Variants in CUX2 observed in about 807,000 individuals in gnomAD.
CUX2 encodes the protein cut like homeobox 2.
A neutral mutation model predicts 144.8 loss-of-function variants in CUX2; 40 were observed. The ratio of observed to expected loss-of-function variants is 0.28; its 90% CI spans 0.21 to 0.36. The LOEUF (loss-of-function observed/expected upper bound fraction) is 0.36, where lower values mean the gene tolerates loss of function less well. CUX2 is among the 10% of genes least tolerant of loss of function. CUX2 has a pLI of 1.00. For missense variants in CUX2, 1,615 were observed against 1,994.0 expected, an observed-to-expected ratio of 0.81 and a Z score of 3.62; for synonymous variants, 827 against 875.6, an observed-to-expected ratio of 0.94 and a Z score of 0.98.
At chr12:111,298,435 C>T in intron 8 of CUX2, 106 bp from the exon 9 acceptor site, 7 of 1,163,312 alleles carry the variant, frequency 6.0e-6, no homozygotes, top group Non-Finnish European at 7.3e-6. Flanking sequence ...TGTAGCAAGG[C>T]CTTCAGCCCT....
At position 111,320,193 on chromosome 12, in the gene CUX2, G is replaced by A. The variant is rs1418665919; in HGVS notation, c.2184G>A (p.Pro728=). The part of the protein sequence containing the change: ...PRGRSVPPSP[P]ERPSLATASQ... ...GCCGCTCGGTGCCCCCCTCGCCCCC[G>A]GAGCGGCCATCACTGGCCACCGCGA... Residue 728 remains proline, a synonymous_variant, in exon 17 of 22, where the codon CCG becomes CCA. Transcript: ENST00000261726. The surrounding 1 kb of genome is among the most constrained non-coding windows in gnomAD (Gnocchi z 8.1). The A allele has an allele frequency of 2.6e-6, 4 of 1,533,736 alleles. No homozygotes were observed. The highest frequency in any genetic ancestry group is 2.4e-5 in the East Asian group (1 of 41,358).
Position 111,295,640 on chromosome 12 carries a change from A to G in CUX2, c.637+231A>G, listed in dbSNP as rs1885935018. ...GACAGAATTAATTCAGGTGATGGCC[A>G]GGCGTGGTGGCTCACATGTGTAATC... On this transcript the variant is annotated intron_variant, in intron 7 of 21. Transcript: ENST00000261726. The surrounding 1 kb of genome is among the most constrained non-coding windows in gnomAD (Gnocchi z 5.0). Among the ~76,000 whole-genome samples, 2 of 152,150 alleles carry G rather than the reference A, an allele frequency of 1.3e-5. No individual in the cohort carries two copies. The highest frequency in any genetic ancestry group is 4.8e-5 in the African/African-American group (2 of 41,418).
intron 3 of CUX2, among the ~76,000 whole-genome samples, chr12:111,256,980 C>T (rs1375692137): frequency 6.6e-6 from 1 of 152,132 alleles, no homozygotes; most frequent in African/African-American, 2.4e-5. Flanking sequence ...TGTTTTTAAC[C>T]ACCTGGCTGA....
chr12:111,237,098 G>A (rs1181477146), intron 3 of CUX2, among the ~76,000 whole-genome samples: 2 of 152,124 alleles, frequency 1.3e-5, no homozygotes, highest in African/African-American at 2.4e-5. Flanking sequence ...GCGGTGAGCC[G>A]AAATTACACC....
chr12:111,221,788 G>C (rs1475286241), intron 3 of CUX2, among the ~76,000 whole-genome samples: 2 of 151,242 alleles, frequency 1.3e-5, no homozygotes, highest in South Asian at 4.2e-4. Context: ...CTTTCTTTCT[G>C]TGTGTGTGTG....
chr12:111,084,175 G>T (rs1030151365), intron 1 of CUX2, among the ~76,000 whole-genome samples: 1 of 152,188 alleles, frequency 6.6e-6, no homozygotes, highest in Non-Finnish European at 1.5e-5. Context: ...TTTCCTCCTG[G>T]TCTACAGCGG....
chr12:111,159,796 G>T (rs184234147), intron 1 of CUX2, among the ~76,000 whole-genome samples: 1 of 152,156 alleles, frequency 6.6e-6, no homozygotes, highest in Admixed American at 6.5e-5. Context: ...AGGCCAAGGC[G>T]GGTGGATCAC....
Position 111,298,600 on chromosome 12 carries a change from G to T in CUX2, c.753+11G>T, listed in dbSNP as rs138009341. ...GAGAAAGCTAATCAGGTGAGGAGGCGCAGTTCCCACCCGTGGGTGCCAGAG... is the reference window on the plus strand; with the variant it reads ...GAGAAAGCTAATCAGGTGAGGAGGCTCAGTTCCCACCCGTGGGTGCCAGAG... On this transcript the variant is annotated intron_variant, in intron 9 of 21. Transcript: ENST00000261726. 1.3e-6 allele frequency: 2 copies of T among 1,562,046 alleles called. No homozygotes were observed. The highest frequency in any genetic ancestry group is 1.2e-5 in the South Asian group (1 of 84,900).
At position 111,291,473 on chromosome 12, in the gene CUX2, C is replaced by T; in HGVS notation, c.357C>T (p.Pro119=). Residue 119 remains proline (P), a synonymous_variant, in exon 5 of 22, where the codon CCC becomes CCT. Coordinates refer to ENST00000261726, the MANE Select transcript of CUX2 (RefSeq NM_015267.4). ...GCCTAGACGACAGACTGCAGCCCCC[C>T]AGCTTTGACCCCAGTGGGCAGCCCC... The part of the protein sequence containing the change: ...ARSLDDRLQP[P]SFDPSGQPRR... The T allele has an allele frequency of 1.2e-6, 2 of 1,612,890 alleles. No homozygotes were observed. The highest frequency in any genetic ancestry group is 1.7e-5 in the Admixed American group (1 of 59,882).
intron 1 of CUX2, among the ~76,000 whole-genome samples, chr12:111,182,870 A>G (rs1879276476): frequency 6.6e-6 from 1 of 152,186 alleles, no homozygotes; most frequent in Non-Finnish European, 1.5e-5. Context: ...GAAGGGACTC[A>G]TAGCTCCCTG....
chr12:111,266,239 G>A (rs563949276), intron 4 of CUX2, among the ~76,000 whole-genome samples: 63 of 152,296 alleles, frequency 4.1e-4, no homozygotes, highest in Admixed American at 4.1e-3. Flanking sequence ...CACTTTGGGA[G>A]ACAGAGGCAG....
intron 7 of CUX2, 89 bp from the exon 8 acceptor site, chr12:111,296,384 T>A: frequency 8.5e-7 from 1 of 1,174,450 alleles, no homozygotes; most frequent in Non-Finnish European, 1.2e-6. Flanking sequence ...CTGCTGGGCT[T>A]CGCAGAAGGA....
At chr12:111,292,698 A>G (rs1189942667) in intron 5 of CUX2, among the ~76,000 whole-genome samples, 1 of 152,238 alleles carries the variant, frequency 6.6e-6, no homozygotes, top group Non-Finnish European at 1.5e-5. Flanking sequence ...GCAAATTGGT[A>G]GAGACAGAAA....
intron 21 of CUX2, among the ~76,000 whole-genome samples, chr12:111,346,141 A>C (rs1299001584): frequency 1.4e-5 from 2 of 144,622 alleles, no homozygotes; most frequent in Non-Finnish European, 3.0e-5. Context: ...AAGAAAAAAA[A>C]GGCAGAAAAT....
chr12:111,201,357 A>G (rs761330718), intron 1 of CUX2, among the ~76,000 whole-genome samples: 18 of 151,930 alleles, frequency 1.2e-4, no homozygotes, highest in Non-Finnish European at 8.8e-5. Context: ...CTGGCTCCCA[A>G]TCGCTTCTTG....
At position 111,035,518 on chromosome 12, in the gene CUX2, A is replaced by G. The variant is rs879266026; in HGVS notation, c.63+1278A>G. ...TGCGGCGGGGATCAGGGGCGGGAAA[A>G]TGGTGCGGATAACAGGGCGGTTAGA... On this transcript the variant is annotated intron_variant, in intron 1 of 21. Transcript: ENST00000261726. This position sits in a 1 kb window ranked among gnomAD's most constrained non-coding sequence, Gnocchi z 6.0. Among the ~76,000 whole-genome samples, 7 of 151,806 alleles carry G rather than the reference A, an allele frequency of 4.6e-5. No homozygotes were observed. The highest frequency in any genetic ancestry group is 1.0e-4 in the Non-Finnish European group (7 of 67,998).
intron 1 of CUX2, among the ~76,000 whole-genome samples, chr12:111,086,617 C>G (rs966311311): frequency 3.9e-5 from 6 of 152,188 alleles, no homozygotes; most frequent in Admixed American, 2.6e-4. Flanking sequence ...CAAATTGACT[C>G]TGTCTCCGAG....
chr12:111,092,228 T>TC (rs371056047), intron 1 of CUX2, among the ~76,000 whole-genome samples: 1 of 152,096 alleles, frequency 6.6e-6, no homozygotes, highest in South Asian at 2.1e-4. Context: ...TGCGAATGTC[T>TC]CCCCCATCCG....
At chr12:111,200,171 G>A (rs1413267004) in intron 1 of CUX2, among the ~76,000 whole-genome samples, 2 of 151,940 alleles carry the variant, frequency 1.3e-5, no homozygotes, top group East Asian at 1.9e-4. Context: ...GCAAGGATCC[G>A]AGCCCTGTCT....
Sources: allele counts gnomAD v4.1 joint callset (sites outside exome capture counted in the v4.1 genomes callset), GRCh38; gene constraint gnomAD v4.1.1; non-coding constraint Gnocchi (gnomAD v3.1); transcripts MANE v1.5; gene names NCBI Gene and HGNC (gene_info 2026-07-23, HGNC 2026-07-21).